The following CSMD3 variants were observed in gnomAD, a reference collection of about 807,000 sequenced individuals.
The protein encoded by CSMD3 is CUB and sushi domain-containing protein 3.
A neutral mutation model predicts 435.2 loss-of-function variants in CSMD3; 177 were observed. The ratio of observed to expected loss-of-function variants is 0.41; its 90% confidence interval spans 0.36 to 0.46. The LOEUF (loss-of-function observed/expected upper bound fraction) is 0.46, where lower values mean the gene tolerates loss of function less well. Among genes scored for constraint, CSMD3 ranks in the 20% least tolerant of loss-of-function variants. The pLI, the probability that CSMD3 is intolerant of heterozygous loss-of-function variation, is 0.34. For synonymous variants in CSMD3, 1,656 were observed against 1,520.5 expected, an observed-to-expected ratio of 1.09 and a Z score of -2.07; for missense variants, 4,265 against 4,504.6, an observed-to-expected ratio of 0.95 and a Z score of 1.52.
chr8:113,363,827 T>C (rs1460685818), intron 1 of CSMD3, among the ~76,000 whole-genome samples: 6 of 152,222 alleles, frequency 3.9e-5, no homozygotes, highest in African/African-American at 1.4e-4. Flanking sequence ...TATCTCTGAC[T>C]ATACATTTTC....
In CSMD3 at chr8:112,975,840, T is replaced by TACAACATCCA. The variant is rs1172225706; in HGVS notation, c.1338_1339insTGGATGTTGT (p.Arg447TrpfsTer4). The TACAACATCCA allele has an allele frequency of 6.2e-7, 1 of 1,612,956 alleles. No individual in the cohort carries two copies. The highest frequency in any genetic ancestry group is 1.3e-5 in the African/African-American group (1 of 74,884). On this transcript the variant is annotated frameshift_variant, in exon 7 of 71. Transcript: ENST00000297405. LOFTEE classifies it high-confidence loss of function. ...CAAGTAAAATAACATCCAATACCTCTATGAGTAACAACTGCAAGCTCTTTA... is the reference window on the plus strand; with the variant it reads ...CAAGTAAAATAACATCCAATACCTCTACAACATCCAATGAGTAACAACTGCAAGCTCTTTA...
In CSMD3 at chr8:112,800,462, A is replaced by G. The variant is rs963505649; in HGVS notation, c.1860-188T>C. 3.9e-5 allele frequency among the ~76,000 whole-genome samples: 6 copies of G among 152,068 alleles called. No homozygotes were observed. In the East Asian group the frequency reaches 7.7e-4, roughly 20 times the overall value. On this transcript the variant is annotated intron_variant, in intron 12 of 70. Coordinates refer to ENST00000297405, the MANE Select transcript of CSMD3 (RefSeq NM_198123.2). ...TTTAGTGATCAAGGTTATTATAAAA[A>G]TATTATTCTGTGTTTAACTAGGAAA...
chr8:112,756,145 C>T (rs1006252635), intron 13 of CSMD3, among the ~76,000 whole-genome samples: 1 of 152,160 alleles, frequency 6.6e-6, no homozygotes, highest in East Asian at 1.9e-4. Context: ...GCTGCCACTT[C>T]CATTTTAACA....
chr8:112,376,450 A>G (rs1231740398), intron 38 of CSMD3, among the ~76,000 whole-genome samples: 1 of 152,212 alleles, frequency 6.6e-6, no homozygotes, highest in Non-Finnish European at 1.5e-5. Context: ...TAGAACCAAA[A>G]CAAGTAAAAA....
At chr8:113,030,026 T>A (rs1405582844) in intron 5 of CSMD3, among the ~76,000 whole-genome samples, 1 of 151,214 alleles carries the variant, frequency 6.6e-6, no homozygotes, top group African/African-American at 2.4e-5. Flanking sequence ...CCTTTTATAA[T>A]AGCTGCAAAA....
intron 13 of CSMD3, among the ~76,000 whole-genome samples, chr8:112,695,915 A>G (rs958343892): frequency 1.1e-4 from 16 of 152,198 alleles, no homozygotes; most frequent in Non-Finnish European, 1.9e-4. Context: ...TGCAAAAATC[A>G]CAAGCATTCT....
chr8:112,652,481 T>A (rs1371138431), intron 18 of CSMD3, among the ~76,000 whole-genome samples: 1 of 152,168 alleles, frequency 6.6e-6, no homozygotes, highest in African/African-American at 2.4e-5. Context: ...TCAAAAGTGA[T>A]TGTAATGCTT....
chr8:113,033,284 T>C (rs2087198129), intron 5 of CSMD3, among the ~76,000 whole-genome samples: 2 of 151,594 alleles, frequency 1.3e-5, no homozygotes, highest in South Asian at 4.2e-4. Context: ...AGGCATTCAA[T>C]GCCAGCCATG....
chr8:113,151,222 A>G (rs2091797538), intron 4 of CSMD3, among the ~76,000 whole-genome samples: 1 of 151,988 alleles, frequency 6.6e-6, no homozygotes, highest in South Asian at 2.1e-4. Context: ...TCAGCCAAAT[A>G]TAATGCATTA....
At chr8:112,398,632 A>G (rs1831055708) in intron 35 of CSMD3, among the ~76,000 whole-genome samples, 2 of 152,194 alleles carry the variant, frequency 1.3e-5, no homozygotes, top group African/African-American at 2.4e-5. Context: ...ATCCCTATGT[A>G]GCCAAGCAGC....
intron 5 of CSMD3, among the ~76,000 whole-genome samples, chr8:113,067,779 G>A (rs77778516): frequency 0.011 from 1,600 of 152,170 alleles, 15 homozygotes; most frequent in Non-Finnish European, 0.014. Context: ...ACCAAGAAAA[G>A]AGTGCTAGCA....
chr8:112,815,816 C>T (rs535727582), intron 12 of CSMD3, among the ~76,000 whole-genome samples: 1 of 151,996 alleles, frequency 6.6e-6, no homozygotes, highest in Non-Finnish European at 1.5e-5. Flanking sequence ...TAATGATGAA[C>T]CACACAGAAT....
At chr8:112,627,435 C>A (rs946455199) in intron 22 of CSMD3, among the ~76,000 whole-genome samples, 1 of 152,110 alleles carries the variant, frequency 6.6e-6, no homozygotes, top group Non-Finnish European at 1.5e-5. Flanking sequence ...GCAATTGCTT[C>A]TAGGACATGA....
At chr8:113,298,470 C>G (rs556499550) in intron 2 of CSMD3, among the ~76,000 whole-genome samples, 1 of 152,152 alleles carries the variant, frequency 6.6e-6, no homozygotes, top group South Asian at 2.1e-4. Flanking sequence ...TTTGTTAAAT[C>G]TGTTTCATAA....
intron 11 of CSMD3, among the ~76,000 whole-genome samples, chr8:112,842,394 T>C (rs1045900545): frequency 2.6e-5 from 4 of 151,856 alleles, no homozygotes; most frequent in Non-Finnish European, 4.4e-5. Context: ...ATCTGAAATG[T>C]ATGAGAGTGT....
At position 113,244,895 on chromosome 8, in the gene CSMD3, T is replaced by C. The variant is rs981745225; in HGVS notation, c.514+33697A>G. ...TCTATTCATTATTAAATATGAGGTG[T>C]TGAATTCACCAACTAATTTTGTTAT... On this transcript the variant is annotated intron_variant, in intron 3 of 70. Transcript: ENST00000297405. Among the ~76,000 whole-genome samples the C allele has an allele frequency of 5.3e-5, 8 of 152,172 alleles. No individual in the cohort carries two copies. The South Asian group carries it at 6.2e-4, about 12-fold the overall frequency.
chr8:113,284,731 TC>T (rs2093634051), intron 2 of CSMD3, among the ~76,000 whole-genome samples: 1 of 152,220 alleles, frequency 6.6e-6, no homozygotes. Flanking sequence ...ATGCTATTTT[TC>T]CATGTAATTA....
intron 6 of CSMD3, among the ~76,000 whole-genome samples, chr8:113,014,387 T>G (rs568778683): frequency 7.2e-5 from 11 of 152,196 alleles, no homozygotes; most frequent in Admixed American, 2.6e-4. Flanking sequence ...TTAGTCCAAC[T>G]GGCCATCATG....
At chr8:112,527,064 T>A (rs1221979252) in intron 27 of CSMD3, among the ~76,000 whole-genome samples, 1 of 151,128 alleles carries the variant, frequency 6.6e-6, no homozygotes, top group Non-Finnish European at 1.5e-5. Flanking sequence ...GTGGATTCAA[T>A]AAAAAAAATA....
Sources: gnomAD v4.1 joint callset for allele counts (sites outside exome capture counted in the v4.1 genomes callset) on GRCh38, gnomAD v4.1.1 for gene constraint, MANE v1.5 for transcripts, NCBI Gene and HGNC (gene_info 2026-07-23, HGNC 2026-07-21) for gene names.